Variants in TMEM117 observed in about 807,000 individuals in gnomAD.
TMEM117 encodes the protein transmembrane protein 117.
In TMEM117, 27 loss-of-function variants were observed where a neutral mutation model predicts 52.4. The ratio of observed to expected loss-of-function variants is 0.51; its 90% CI spans 0.38 to 0.71. The LOEUF (loss-of-function observed/expected upper bound fraction) is 0.71. Ranked by LOEUF, TMEM117 falls within the 30% of genes least tolerant of loss-of-function variation. TMEM117 has a pLI of 0.00. For synonymous variants in TMEM117, 215 were observed against 206.3 expected, an observed-to-expected ratio of 1.04 and a Z score of -0.36; for missense variants, 556 against 630.5, an observed-to-expected ratio of 0.88 and a Z score of 1.26.
chr12:44,036,669 A>G (rs1265401822), intron 3 of TMEM117, among the ~76,000 whole-genome samples: 2 of 152,278 alleles, frequency 1.3e-5, no homozygotes, highest in East Asian at 3.9e-4. Context: ...TTTTCTTGCC[A>G]TTTCAAATAT....
intron 5 of TMEM117, among the ~76,000 whole-genome samples, chr12:44,253,881 C>T (rs1019244201): frequency 2.0e-5 from 3 of 150,766 alleles, no homozygotes; most frequent in African/African-American, 7.3e-5. Flanking sequence ...CACACACCTT[C>T]TCTCTCTCAA....
In TMEM117 at chr12:43,991,243, C is replaced by T. The variant is rs184419320; in HGVS notation, c.410+46901C>T. Reference sequence around the variant, plus strand: ...TAAATTCCTCCAATTATAAAGTCGTCGGAATGTTAGTATTATTAGGGGCCT... The same window carrying T: ...TAAATTCCTCCAATTATAAAGTCGTTGGAATGTTAGTATTATTAGGGGCCT... On this transcript the variant is annotated intron_variant, in intron 3 of 7. Transcript: ENST00000266534. Among the ~76,000 whole-genome samples, 141 of 152,176 alleles carry T rather than the reference C, an allele frequency of 9.3e-4. 2 individuals are homozygous for T. Among genetic ancestry groups the T allele is most frequent in the African/African-American group, 3.1e-3 (129 of 41,524 alleles).
At chr12:44,235,012 T>G (rs1269695162) in intron 5 of TMEM117, among the ~76,000 whole-genome samples, 1 of 151,688 alleles carries the variant, frequency 6.6e-6, no homozygotes, top group East Asian at 1.9e-4. Context: ...TGTGTCTACT[T>G]CTTTTAGTTA....
intron 5 of TMEM117, among the ~76,000 whole-genome samples, chr12:44,258,200 G>T (rs1287895724): frequency 6.6e-6 from 1 of 152,076 alleles, no homozygotes; most frequent in East Asian, 1.9e-4. Context: ...TTTGATGCTA[G>T]ATAGTACAAA....
At position 44,268,742 on chromosome 12, in the gene TMEM117, A is replaced by G. The variant is rs551726851; in HGVS notation, c.609-30838A>G. Among the ~76,000 whole-genome samples the G allele has an allele frequency of 2.0e-5, 3 of 152,202 alleles. No homozygotes were observed. The East Asian group carries it at 5.8e-4, about 29-fold the overall frequency. ...TGTGGTTTAAATTTTAATTTCCTTG[A>G]AATCTAATAAGTATGAGCACTATTT... On this transcript the variant is annotated intron_variant, in intron 5 of 7. Coordinates refer to ENST00000266534, the MANE Select transcript of TMEM117 (RefSeq NM_032256.3).
chr12:43,977,515 T>C (rs1025876884), intron 3 of TMEM117, among the ~76,000 whole-genome samples: 2 of 152,124 alleles, frequency 1.3e-5, no homozygotes, highest in Non-Finnish European at 2.9e-5. Context: ...AAACTGCGGG[T>C]TTTATGTCTA....
At chr12:44,041,526 T>G (rs1284916708) in intron 3 of TMEM117, among the ~76,000 whole-genome samples, 1 of 152,128 alleles carries the variant, frequency 6.6e-6, no homozygotes, top group East Asian at 1.9e-4. Flanking sequence ...GCAGGTTTGT[T>G]ACATGGATAA....
intron 5 of TMEM117, among the ~76,000 whole-genome samples, chr12:44,222,853 T>C (rs1592619111): frequency 6.6e-6 from 1 of 152,312 alleles, no homozygotes; most frequent in Non-Finnish European, 1.5e-5. Context: ...AGTAGTGCTA[T>C]AATGCCACAA....
chr12:43,866,707 T>C (rs1943606461), intron 2 of TMEM117, among the ~76,000 whole-genome samples: 3 of 152,222 alleles, frequency 2.0e-5, no homozygotes, highest in Non-Finnish European at 4.4e-5. Flanking sequence ...TATAGAAATA[T>C]CAAATATACA....
chr12:44,005,972 A>G (rs1017092794), intron 3 of TMEM117, among the ~76,000 whole-genome samples: 5 of 152,170 alleles, frequency 3.3e-5, no homozygotes, highest in African/African-American at 7.2e-5. Context: ...ATTACGTGCA[A>G]CTGTAAGTCA....
At chr12:43,817,902 T>G in the TMEM117 span, among the ~76,000 whole-genome samples, 1 of 152,208 alleles carries the variant, frequency 6.6e-6, no homozygotes, top group Non-Finnish European at 1.5e-5. Flanking sequence ...GTTTATCTCA[T>G]GAGTGAAGAA....
intron 3 of TMEM117, among the ~76,000 whole-genome samples, chr12:44,023,167 T>G (rs1401029083): frequency 6.6e-6 from 1 of 152,248 alleles, no homozygotes; most frequent in Non-Finnish European, 1.5e-5. Context: ...TCATTTTTTA[T>G]GGCTGCATAG....
chr12:43,978,022 G>T (rs1203729009), intron 3 of TMEM117, among the ~76,000 whole-genome samples: 2 of 152,178 alleles, frequency 1.3e-5, no homozygotes, highest in Non-Finnish European at 2.9e-5. Context: ...GTTAACACTT[G>T]TTGAAGGAGG....
chr12:43,852,002 G>A (rs1943315685), intron 2 of TMEM117, among the ~76,000 whole-genome samples: 1 of 152,186 alleles, frequency 6.6e-6, no homozygotes, highest in Admixed American at 6.5e-5. Flanking sequence ...AAAGTGTAGA[G>A]TATAACATTT....
At chr12:43,990,694 A>G (rs1453535191) in intron 3 of TMEM117, among the ~76,000 whole-genome samples, 2 of 152,100 alleles carry the variant, frequency 1.3e-5, no homozygotes, top group Non-Finnish European at 2.9e-5. Flanking sequence ...TTTTTTCAGT[A>G]TGTCCCTGTG....
chr12:43,907,792 G>C (rs1944419870), intron 2 of TMEM117, among the ~76,000 whole-genome samples: 2 of 144,398 alleles, frequency 1.4e-5, no homozygotes, highest in African/African-American at 2.5e-5. Context: ...GGGAAGTTTA[G>C]AGAAAAAAGA....
chr12:43,870,774 A>G (rs933443685), intron 2 of TMEM117, among the ~76,000 whole-genome samples: 2 of 151,898 alleles, frequency 1.3e-5, no homozygotes, highest in African/African-American at 4.8e-5. Context: ...CAACCCCACC[A>G]GCATCTGTTT....
intron 6 of TMEM117, among the ~76,000 whole-genome samples, chr12:44,368,530 A>G (rs1394386725): frequency 6.6e-6 from 1 of 152,114 alleles, no homozygotes; most frequent in Non-Finnish European, 1.5e-5. Flanking sequence ...TTTCATGGAG[A>G]AAAATGACCT....
At chr12:43,884,237 C>T (rs1298069663) in intron 2 of TMEM117, among the ~76,000 whole-genome samples, 12 of 151,560 alleles carry the variant, frequency 7.9e-5, no homozygotes, top group African/African-American at 2.9e-4. Flanking sequence ...GACTATTTTA[C>T]TTGTATGAAA....
Sources: allele counts gnomAD v4.1 joint callset (sites outside exome capture counted in the v4.1 genomes callset), GRCh38; gene constraint gnomAD v4.1.1; transcripts MANE v1.5; gene names NCBI Gene and HGNC (gene_info 2026-07-23, HGNC 2026-07-21).